Variants in ADAMTS3 observed in about 807,000 individuals in gnomAD.
The protein encoded by ADAMTS3 is A disintegrin and metalloproteinase with thrombospondin motifs 3.
Under a neutral mutation model 129.0 loss-of-function variants are expected in ADAMTS3, and 73 were observed. That is an observed-to-expected ratio of 0.57 (90% CI 0.47 to 0.69). ADAMTS3 has a LOEUF of 0.69. Ranked by LOEUF, ADAMTS3 falls within the 30% of genes least tolerant of loss-of-function variation. The pLI, the probability that ADAMTS3 is intolerant of heterozygous loss-of-function variation, is 0.00. For synonymous variants in ADAMTS3, 477 were observed against 510.8 expected (o/e 0.93, Z 0.89); for missense variants, 1,457 against 1,514.5 (o/e 0.96, Z 0.63).
intron 3 of ADAMTS3, among the ~76,000 whole-genome samples, chr4:72,420,240 A>G (rs909980422): frequency 6.6e-6 from 1 of 150,980 alleles, no homozygotes; most frequent in African/African-American, 2.4e-5. Context: ...AGACTCCACC[A>G]CCTCTCCGGC....
At chr4:72,472,404 T>G (rs907012157) in intron 3 of ADAMTS3, among the ~76,000 whole-genome samples, 1 of 152,130 alleles carries the variant, frequency 6.6e-6, no homozygotes, top group African/African-American at 2.4e-5. Context: ...CACTGTAGGT[T>G]TATACAGTAT....
At chr4:72,465,560 C>A (rs1718896544) in intron 3 of ADAMTS3, among the ~76,000 whole-genome samples, 1 of 151,960 alleles carries the variant, frequency 6.6e-6, no homozygotes, top group South Asian at 2.1e-4. Context: ...AACATTTGTT[C>A]AGCATTAACT....
At chr4:72,328,390 C>A (rs1426565657) in intron 5 of ADAMTS3, among the ~76,000 whole-genome samples, 1 of 152,214 alleles carries the variant, frequency 6.6e-6, no homozygotes, top group Non-Finnish European at 1.5e-5. Flanking sequence ...GACAATCTGA[C>A]CTGCTTTGTC....
At chr4:72,442,861 T>A (rs1022591990) in intron 3 of ADAMTS3, among the ~76,000 whole-genome samples, 1 of 151,758 alleles carries the variant, frequency 6.6e-6, no homozygotes, top group Non-Finnish European at 1.5e-5. Context: ...TTGTCTTTCA[T>A]GTAGAAAGGG....
At chr4:72,321,728 A>G (rs2109809902) in intron 6 of ADAMTS3, among the ~76,000 whole-genome samples, 1 of 152,326 alleles carries the variant, frequency 6.6e-6, no homozygotes, top group Middle Eastern at 3.4e-3. Context: ...ATGAAATCTT[A>G]GTCTATGGAG....
chr4:72,519,880 A>AGT (rs1282529774), intron 3 of ADAMTS3, among the ~76,000 whole-genome samples: 9 of 152,194 alleles, frequency 5.9e-5, no homozygotes, highest in Admixed American at 5.9e-4. Context: ...ATTGCTGGTG[A>AGT]AGAACTGCGT....
chr4:72,291,887 T>C (rs1718681508), intron 19 of ADAMTS3, among the ~76,000 whole-genome samples: 1 of 152,212 alleles, frequency 6.6e-6, no homozygotes, highest in Non-Finnish European at 1.5e-5. Flanking sequence ...AGTTTTCCTA[T>C]TTCTCAAATA....
chr4:72,401,864 G>C (rs530000568), intron 4 of ADAMTS3, among the ~76,000 whole-genome samples: 8 of 152,170 alleles, frequency 5.3e-5, no homozygotes, highest in African/African-American at 1.9e-4. Context: ...ATGAGGAATC[G>C]TAAGCACTGA....
chr4:72,416,467 C>G (rs577820750), intron 3 of ADAMTS3, among the ~76,000 whole-genome samples: 1 of 152,028 alleles, frequency 6.6e-6, no homozygotes, highest in East Asian at 1.9e-4. Flanking sequence ...TACTACAACT[C>G]TTCTACTATT....
At chr4:72,460,076 C>T (rs910502194) in intron 3 of ADAMTS3, among the ~76,000 whole-genome samples, 12 of 151,408 alleles carry the variant, frequency 7.9e-5, no homozygotes, top group African/African-American at 2.9e-4. Flanking sequence ...TCCCAACCTG[C>T]ACTACATATT....
intron 4 of ADAMTS3, among the ~76,000 whole-genome samples, chr4:72,410,070 G>A (rs1234267257): frequency 1.3e-5 from 2 of 152,004 alleles, no homozygotes; most frequent in African/African-American, 4.8e-5. Context: ...TTCAATATTT[G>A]TGTGGGTTAC....
chr4:72,387,600 T>C (rs1300652374), intron 4 of ADAMTS3, among the ~76,000 whole-genome samples: 1 of 152,172 alleles, frequency 6.6e-6, no homozygotes, highest in Admixed American at 6.5e-5. Context: ...ATATTGGGGC[T>C]ATCCTGAGTG....
chr4:72,456,179 A>T (rs770715067), intron 3 of ADAMTS3, among the ~76,000 whole-genome samples: 76 of 7,546 alleles, frequency 0.01, 5 homozygotes, highest in Non-Finnish European at 0.046. Flanking sequence ...AGTATATACT[A>T]TATATATTTT....
chr4:72,503,832 C>T (rs1720086694), intron 3 of ADAMTS3, among the ~76,000 whole-genome samples: 1 of 152,136 alleles, frequency 6.6e-6, no homozygotes, highest in Middle Eastern at 3.2e-3. Context: ...TTGAATTTAA[C>T]CCTTTATCAT....
intron 3 of ADAMTS3, among the ~76,000 whole-genome samples, chr4:72,439,384 C>T (rs1381818151): frequency 6.6e-6 from 1 of 151,636 alleles, no homozygotes; most frequent in African/African-American, 2.4e-5. Flanking sequence ...AAGTGCCAAG[C>T]CACATGTTTT....
intron 2 of ADAMTS3, among the ~76,000 whole-genome samples, chr4:72,549,306 C>T (rs2109788980): frequency 6.6e-6 from 1 of 152,086 alleles, no homozygotes; most frequent in East Asian, 1.9e-4. Flanking sequence ...TTCATTTTTT[C>T]CCTGTAGAAA....
intron 19 of ADAMTS3, among the ~76,000 whole-genome samples, chr4:72,294,551 C>T (rs972477760): frequency 1.3e-5 from 2 of 151,990 alleles, no homozygotes; most frequent in Non-Finnish European, 2.9e-5. Context: ...AACATTACAT[C>T]GTACCCCATA....
At chr4:72,500,403 C>A (rs113908276) in intron 3 of ADAMTS3, among the ~76,000 whole-genome samples, 97 of 152,076 alleles carry the variant, frequency 6.4e-4, no homozygotes, top group African/African-American at 2.2e-3. Context: ...CGTTTGTTGG[C>A]ATGTACATCT....
chr4:72,397,534 C>T (rs1411749792), intron 4 of ADAMTS3, among the ~76,000 whole-genome samples: 1 of 150,078 alleles, frequency 6.7e-6, no homozygotes, highest in Non-Finnish European at 1.5e-5. Flanking sequence ...AACTGCATTC[C>T]AGCCTGGGCG....
Sources: allele counts gnomAD v4.1 joint callset (sites outside exome capture counted in the v4.1 genomes callset), GRCh38; gene constraint gnomAD v4.1.1; transcripts MANE v1.5; gene names NCBI Gene and HGNC (gene_info 2026-07-23, HGNC 2026-07-21).